ADAMTS6: variants seen among roughly 807,000 people sequenced by gnomAD.
The protein encoded by ADAMTS6 is A disintegrin and metalloproteinase with thrombospondin motifs 6.
In ADAMTS6, 23 loss-of-function variants were observed where a neutral mutation model predicts 144.3. The ratio of observed to expected loss-of-function variants is 0.16; its 90% CI spans 0.11 to 0.23. The LOEUF is 0.23. Among genes scored for constraint, ADAMTS6 ranks in the 10% least tolerant of loss-of-function variants. The pLI, the probability that ADAMTS6 is intolerant of heterozygous loss-of-function variation, is 1.00. For synonymous variants in ADAMTS6, 444 were observed against 457.5 expected (o/e 0.97, Z 0.38); for missense variants, 999 against 1,379.6 (o/e 0.72, Z 4.37).
intron 9 of ADAMTS6, among the ~76,000 whole-genome samples, chr5:65,311,349 C>T (rs953940295): frequency 6.6e-6 from 1 of 152,054 alleles, no homozygotes; most frequent in Admixed American, 6.6e-5. Context: ...GGTTACTATA[C>T]AGAGACTGAG....
chr5:65,346,060 T>C (rs1022199260), intron 7 of ADAMTS6, among the ~76,000 whole-genome samples: 1 of 151,888 alleles, frequency 6.6e-6, no homozygotes, highest in African/African-American at 2.4e-5. Context: ...TTTTGACTTA[T>C]CTAAAAAAGA....
chr5:65,173,148 C>T, intron 22 of ADAMTS6, 140 bp from the exon 23 acceptor site: 1 of 801,092 alleles, frequency 1.2e-6, no homozygotes, highest in South Asian at 2.0e-5. Context: ...CTCTCAGATA[C>T]AACGTTCCTT....
chr5:65,349,300 A>T (rs554930602), intron 7 of ADAMTS6, among the ~76,000 whole-genome samples: 2 of 152,116 alleles, frequency 1.3e-5, no homozygotes, highest in African/African-American at 4.8e-5. Flanking sequence ...CAGTCTGGCA[A>T]ATTATTCAAC....
chr5:65,328,287 C>T (rs937742120), intron 9 of ADAMTS6, among the ~76,000 whole-genome samples: 2 of 151,928 alleles, frequency 1.3e-5, no homozygotes, highest in African/African-American at 4.8e-5. Context: ...CAGGAATTAC[C>T]TCTGAGGTAA....
At chr5:65,278,486 A>T (rs1762737723) in intron 11 of ADAMTS6, among the ~76,000 whole-genome samples, 1 of 152,144 alleles carries the variant, frequency 6.6e-6, no homozygotes, top group Non-Finnish European at 1.5e-5. Context: ...CCATGACAAC[A>T]TCTATTGTTT....
At chr5:65,162,932 C>A (rs112676258) in intron 24 of ADAMTS6, among the ~76,000 whole-genome samples, 3,611 of 152,180 alleles carry the variant, frequency 0.024, 144 homozygotes, top group African/African-American at 0.082. Flanking sequence ...TTTTCTGAGA[C>A]AGAGTCTCAG....
chr5:65,354,034 C>A (rs1014057817), intron 7 of ADAMTS6, among the ~76,000 whole-genome samples: 2 of 151,962 alleles, frequency 1.3e-5, no homozygotes, highest in East Asian at 1.9e-4. Context: ...TTTCCCCATA[C>A]CTCCTCTACC....
In ADAMTS6 at chr5:65,256,985, C is replaced by CTCTCT. The variant is rs765554792; in HGVS notation, c.1830+3614_1830+3615insAGAGA. On this transcript the variant is annotated intron_variant, in intron 14 of 24. Coordinates refer to ENST00000381055, the MANE Select transcript of ADAMTS6 (RefSeq NM_197941.4). Reference sequence around the variant, plus strand: ...TTTCTCTCTCTCTCTCTCTCTCTCTCTTTTTTTTTTTTTTTTTTTTTTTTG... The same window carrying CTCTCT: ...TTTCTCTCTCTCTCTCTCTCTCTCTCTCTCTTTTTTTTTTTTTTTTTTTTTTTTTG... 4.2e-3 allele frequency among the ~76,000 whole-genome samples: 370 copies of CTCTCT among 88,746 alleles called. 15 individuals carry two copies. The highest frequency in any genetic ancestry group is 0.021 in the African/African-American group (360 of 17,538). 58.2% of individuals were successfully genotyped at this position (88,746 alleles called of 152,430 possible). A position where few individuals can be genotyped will look rare whatever the true frequency, so the allele number is the denominator to read the frequency against.
intron 9 of ADAMTS6, among the ~76,000 whole-genome samples, chr5:65,321,747 G>A (rs535590575): frequency 1.8e-5 from 2 of 113,070 alleles, no homozygotes; most frequent in Non-Finnish European, 3.3e-5. Flanking sequence ...ACGGAGTCTC[G>A]CTCTGTCACC....
intron 7 of ADAMTS6, among the ~76,000 whole-genome samples, chr5:65,351,484 G>A (rs1748837191): frequency 6.6e-6 from 1 of 152,084 alleles, no homozygotes; most frequent in Non-Finnish European, 1.5e-5. Context: ...TAACTCTTTG[G>A]GTTACCTTGG....
At chr5:65,343,692 A>G (rs1263564693) in intron 7 of ADAMTS6, among the ~76,000 whole-genome samples, 1 of 152,120 alleles carries the variant, frequency 6.6e-6, no homozygotes, top group African/African-American at 2.4e-5. Context: ...AAAAATAAAC[A>G]AATGGAACTA....
intron 16 of ADAMTS6, among the ~76,000 whole-genome samples, chr5:65,225,751 G>T (rs942174428): frequency 2.0e-5 from 3 of 152,162 alleles, no homozygotes; most frequent in Non-Finnish European, 2.9e-5. Flanking sequence ...GTAGAAATAT[G>T]AATAAGAGCT....
At chr5:65,360,845 C>T (rs1047287116) in intron 7 of ADAMTS6, among the ~76,000 whole-genome samples, 1 of 152,106 alleles carries the variant, frequency 6.6e-6, no homozygotes, top group South Asian at 2.1e-4. Context: ...AACTTATCTA[C>T]CTCATGTAAG....
In ADAMTS6 at chr5:65,214,676, G is replaced by T; in HGVS notation, c.2575+118C>A. ...AGTTTCTTTTGCTAAATTACAGCTT[G>T]AAGCAAACCTGCAAGAAATGTTTCC... On this transcript the variant is annotated intron_variant, in intron 20 of 24. Coordinates refer to ENST00000381055, the MANE Select transcript of ADAMTS6 (RefSeq NM_197941.4). This position sits in a 1 kb window ranked among gnomAD's most constrained non-coding sequence, Gnocchi z 4.6. 1 of 1,472,978 alleles carries T rather than the reference G, an allele frequency of 6.8e-7. No individual in the cohort carries two copies. 91.2% of individuals were successfully genotyped at this position (1,472,978 alleles called of 1,614,324 possible).
intron 7 of ADAMTS6, among the ~76,000 whole-genome samples, chr5:65,418,545 A>G (rs1018320379): frequency 6.6e-6 from 1 of 152,226 alleles, no homozygotes; most frequent in African/African-American, 2.4e-5. Flanking sequence ...ATGTACATTT[A>G]TTGAGCTTAA....
chr5:65,297,617 A>T (rs1045123196), intron 10 of ADAMTS6, among the ~76,000 whole-genome samples: 44 of 152,316 alleles, frequency 2.9e-4, no homozygotes, highest in African/African-American at 1.0e-3. Flanking sequence ...ACTGGATTTT[A>T]AAAAATATCA....
intron 23 of ADAMTS6, 105 bp from the exon 24 acceptor site, chr5:65,170,878 T>C: frequency 1.5e-6 from 2 of 1,297,324 alleles, no homozygotes; most frequent in South Asian, 3.2e-5. Flanking sequence ...AACTTTTTTT[T>C]TTTTCTTTTG....
chr5:65,182,956 T>G (rs1364030827), intron 22 of ADAMTS6, among the ~76,000 whole-genome samples: 2 of 152,212 alleles, frequency 1.3e-5, no homozygotes, highest in Admixed American at 1.3e-4. Flanking sequence ...ACCTGAACCC[T>G]GCAGATCCAG....
chr5:65,176,498 AC>A (rs1753989711), intron 22 of ADAMTS6, among the ~76,000 whole-genome samples: 1 of 152,232 alleles, frequency 6.6e-6, no homozygotes. Flanking sequence ...AAGTTTTAAA[AC>A]GTTAATTGTA....
Sources: gnomAD v4.1 joint callset for allele counts (sites outside exome capture counted in the v4.1 genomes callset) on GRCh38, gnomAD v4.1.1 for gene constraint, Gnocchi (gnomAD v3.1) non-coding constraint, MANE v1.5 for transcripts, NCBI Gene and HGNC (gene_info 2026-07-23, HGNC 2026-07-21) for gene names.